The following ZMAT3 variants were observed in gnomAD, a reference collection of about 807,000 sequenced individuals.
ZMAT3 encodes zinc finger matrin-type 3, also known as zinc finger matrin-type protein 3.
In ZMAT3, 17 loss-of-function variants were observed where a neutral mutation model predicts 32.3. The ratio of observed to expected loss-of-function variants is 0.53; its 90% CI spans 0.36 to 0.79. The LOEUF (loss-of-function observed/expected upper bound fraction) is 0.79. Ranked by LOEUF, ZMAT3 falls within the 30% of genes least tolerant of loss-of-function variation. ZMAT3 has a pLI of 0.00. For synonymous variants in ZMAT3, 120 were observed against 133.1 expected, an observed-to-expected ratio of 0.90 and a Z score of 0.68; for missense variants, 329 against 359.7, an observed-to-expected ratio of 0.91 and a Z score of 0.69.
rs934987969 is a variant in ZMAT3, at chr3:179,021,430, T to C, written c.*3587A>G. The C allele has an allele frequency of 6.6e-6, 1 of 152,232 alleles. No homozygotes were observed. The allele number at this position is 152,232 out of a possible 1,614,324, so 9.4% of individuals were successfully genotyped here. A position where few individuals can be genotyped will look rare whatever the true frequency, so the allele number is the denominator to read the frequency against. Reference sequence around the variant, plus strand: ...CCTCAATACCTAAGAAGAATTCTAATTGTCATCTTCTAACGTTGATTTTTT... The same window carrying C: ...CCTCAATACCTAAGAAGAATTCTAACTGTCATCTTCTAACGTTGATTTTTT... On this transcript the variant is annotated 3_prime_UTR_variant, in exon 6 of 6. Transcript: ENST00000311417.
rs529086381 is a variant in ZMAT3 at position 179,018,231 on chromosome 3, A to G, written c.*6786T>C. 3.5e-4 allele frequency: 54 copies of G among 152,274 alleles called. No individual in the cohort carries two copies. The highest frequency in any genetic ancestry group is 1.3e-3 in the African/African-American group (54 of 41,554). The allele number at this position is 152,274 out of a possible 1,614,324, so 9.4% of individuals were successfully genotyped here. On this transcript the variant is annotated 3_prime_UTR_variant, in exon 6 of 6. Transcript: ENST00000311417. ...GAGAATACACAAATAATAATAAATGATATAGAACATTTATTATTTTCACTA... is the reference window on the plus strand; with the variant it reads ...GAGAATACACAAATAATAATAAATGGTATAGAACATTTATTATTTTCACTA...
chr3:179,049,991 CAAAAA>C (rs34239014), intron 2 of ZMAT3, among the ~76,000 whole-genome samples: 10 of 8,126 alleles, frequency 1.2e-3, no homozygotes, highest in Admixed American at 4.4e-3. Flanking sequence ...GACTCCGTCT[CAAAAA>C]AAAAAAAAAA....
intron 2 of ZMAT3, among the ~76,000 whole-genome samples, chr3:179,052,059 T>C (rs570095475): frequency 1.3e-5 from 2 of 152,256 alleles, no homozygotes; most frequent in South Asian, 4.1e-4. Context: ...ATCTAAAACC[T>C]GAAACCATAA....
chr3:179,067,012 A>G (rs1303099765), intron 2 of ZMAT3, among the ~76,000 whole-genome samples: 3 of 152,238 alleles, frequency 2.0e-5, no homozygotes, highest in African/African-American at 7.2e-5. Flanking sequence ...GAAGTCAAAA[A>G]TGGAAAGCAT....
Position 179,027,522 on chromosome 3 carries a change from C to G in ZMAT3, c.559G>C (p.Glu187Gln). 6.2e-7 allele frequency: 1 copy of G among 1,614,178 alleles called. No individual in the cohort carries two copies. Among genetic ancestry groups the G allele is most frequent in the Non-Finnish European group, 8.5e-7 (1 of 1,180,030 alleles). Residue 187 changes from glutamate (E) to glutamine (Q), a missense_variant and splice_region_variant, in exon 5 of 6, where the codon GAA (glutamate) becomes CAA (glutamine). Physicochemically the swap from Glu to Gln is conservative, Grantham distance 29 (BLOSUM62 2). Transcript: ENST00000311417. The stretch of plus-strand genomic sequence containing the variant: ...CGCCGTTGACCCAGCTCTGAGGATT[C>G]CCTGGAGAAAAGAAGTTTAAAAAAG... ...LAEAQSNSFS[E>Q]SSELGQRRAR...
At chr3:179,057,494 A>C (rs1234533255) in intron 2 of ZMAT3, among the ~76,000 whole-genome samples, 1 of 152,182 alleles carries the variant, frequency 6.6e-6, no homozygotes, top group Non-Finnish European at 1.5e-5. Flanking sequence ...CATTAGCCCA[A>C]GACTTGAGCC....
At chr3:179,071,439 G>T (rs1721709033) in intron 1 of ZMAT3, 156 bp downstream of exon 1, 1 of 152,338 alleles carries the variant, frequency 6.6e-6, no homozygotes, top group African/African-American at 2.4e-5. Context: ...CCTGGTCCAC[G>T]TGAAATGCCT....
intron 4 of ZMAT3, 31 bp downstream of exon 4, chr3:179,027,615 C>T (rs773814681): frequency 1.2e-6 from 2 of 1,613,876 alleles, no homozygotes; most frequent in Admixed American, 1.7e-5. Flanking sequence ...TCACATAACA[C>T]TTTGGCCTCA....
Position 179,046,432 on chromosome 3 carries a change from G to GTCCCATC in ZMAT3, c.271-15434_271-15433insGATGGGA, listed in dbSNP as rs1720240468. ...CCCACTCAGATGGACAGAGCAGTGT[G>GTCCCATC]TGGAGACCCATATCATGAAATTTTG... On this transcript the variant is annotated intron_variant, in intron 2 of 5. Transcript: ENST00000311417. The surrounding 1 kb of genome is among the most constrained non-coding windows in gnomAD (Gnocchi z 4.3). Among the ~76,000 whole-genome samples the GTCCCATC allele has an allele frequency of 6.6e-6, 1 of 152,202 alleles. No individual in the cohort carries two copies. The highest frequency in any genetic ancestry group is 2.1e-4 in the South Asian group (1 of 4,828).
chr3:179,026,379 C>CTTTTTTTTTTTT (rs1235818885), intron 5 of ZMAT3, among the ~76,000 whole-genome samples: 2 of 65,924 alleles, frequency 3.0e-5, no homozygotes, highest in African/African-American at 6.6e-5. Flanking sequence ...ATGAATTGTG[C>CTTTTTTTTTTTT]TTTTTTTTTT....
chr3:179,036,728 C>T (rs1489180250), intron 2 of ZMAT3, among the ~76,000 whole-genome samples: 1 of 152,050 alleles, frequency 6.6e-6, no homozygotes, highest in Non-Finnish European at 1.5e-5. Flanking sequence ...AGAGACAGTG[C>T]AATGTGTGGC....
At chr3:179,058,485 G>A (rs887613867) in intron 2 of ZMAT3, among the ~76,000 whole-genome samples, 6 of 152,168 alleles carry the variant, frequency 3.9e-5, no homozygotes, top group Non-Finnish European at 8.8e-5. Flanking sequence ...GGACGGGCGC[G>A]GTGGCTCACG....
upstream of ZMAT3, among the ~76,000 whole-genome samples, chr3:179,072,477 A>G (rs1219054542): frequency 6.6e-6 from 1 of 152,198 alleles, no homozygotes; most frequent in East Asian, 1.9e-4. Context: ...CACATCCTTC[A>G]TAACCAACCT....
chr3:179,070,032 C>CTAA (rs1721629962), intron 1 of ZMAT3, among the ~76,000 whole-genome samples: 1 of 151,588 alleles, frequency 6.6e-6, no homozygotes, highest in Non-Finnish European at 1.5e-5. Flanking sequence ...GTTTAACTAC[C>CTAA]TAATAATAAT....
intron 2 of ZMAT3, among the ~76,000 whole-genome samples, chr3:179,050,879 C>T (rs568989521): frequency 1.6e-4 from 25 of 152,244 alleles, no homozygotes; most frequent in African/African-American, 6.0e-4. Flanking sequence ...GAATTAAAAA[C>T]AAAAATCATA....
In ZMAT3 at chr3:179,023,143, C is replaced by G. The variant is rs553451513; in HGVS notation, c.*1874G>C. ...TTCACAGAGCACTCCATTAGTTAAT[C>G]TAGATATATATTATAGCTTCTTTTT... is the stretch of plus-strand genomic sequence containing the variant. On this transcript the variant is annotated 3_prime_UTR_variant, in exon 6 of 6. Transcript: ENST00000311417. 2.0e-4 allele frequency: 29 copies of G among 148,086 alleles called. No individual in the cohort carries two copies. The highest frequency in any genetic ancestry group is 3.7e-4 in the Non-Finnish European group (25 of 67,584). The allele number at this position is 148,086 out of a possible 1,614,324, so 9.2% of individuals were successfully genotyped here. A position where few individuals can be genotyped will look rare whatever the true frequency, so the allele number is the denominator to read the frequency against.
At chr3:179,056,652 G>A (rs895597657) in intron 2 of ZMAT3, among the ~76,000 whole-genome samples, 5 of 152,230 alleles carry the variant, frequency 3.3e-5, no homozygotes, top group South Asian at 4.2e-4. Context: ...ACAGAGCCCC[G>A]GGTATGCTTG....
At chr3:179,066,493 C>T (rs954582800) in intron 2 of ZMAT3, among the ~76,000 whole-genome samples, 2 of 152,336 alleles carry the variant, frequency 1.3e-5, no homozygotes, top group Middle Eastern at 3.4e-3. Context: ...TTAACACCCA[C>T]AGTAAACAAA....
chr3:179,049,156 A>C (rs1270161144), intron 2 of ZMAT3, among the ~76,000 whole-genome samples: 1 of 152,222 alleles, frequency 6.6e-6, no homozygotes, highest in African/African-American at 2.4e-5. Flanking sequence ...CTAATACTGG[A>C]GCTTCCAAAC....
Sources: gnomAD v4.1 joint callset for allele counts (sites outside exome capture counted in the v4.1 genomes callset) on GRCh38, gnomAD v4.1.1 for gene constraint, Gnocchi (gnomAD v3.1) non-coding constraint, MANE v1.5 for transcripts, NCBI Gene and HGNC (gene_info 2026-07-23, HGNC 2026-07-21) for gene names.